The following BNC2 variants were observed in gnomAD, a reference collection of about 807,000 sequenced individuals.
BNC2 encodes zinc finger protein basonuclin-2.
BNC2 carries 20 observed loss-of-function variants against 76.3 expected under a neutral mutation model. The ratio of observed to expected loss-of-function variants is 0.26; its 90% CI spans 0.18 to 0.38. The LOEUF (loss-of-function observed/expected upper bound fraction) is 0.38, where lower values mean the gene tolerates loss of function less well. Among genes scored for constraint, BNC2 ranks in the 10% least tolerant of loss-of-function variants. The pLI is 1.00. For missense variants in BNC2, 1,382 were observed against 1,399.8 expected (o/e 0.99, Z 0.20); for synonymous variants, 582 against 514.8 (o/e 1.13, Z -1.77).
intron 3 of BNC2, among the ~76,000 whole-genome samples, chr9:16,608,835 A>G (rs1820456629): frequency 6.6e-6 from 1 of 152,238 alleles, no homozygotes; most frequent in African/African-American, 2.4e-5. Context: ...TGAAATAGGC[A>G]AAAGTCAAAC....
At chr9:16,447,550 T>C (rs902688652) in intron 5 of BNC2, among the ~76,000 whole-genome samples, 4 of 152,134 alleles carry the variant, frequency 2.6e-5, no homozygotes, top group African/African-American at 9.7e-5. Flanking sequence ...AGTTCCTGTA[T>C]TATCGTATAT....
At chr9:16,664,224 T>A (rs1822199032) in intron 3 of BNC2, among the ~76,000 whole-genome samples, 1 of 152,184 alleles carries the variant, frequency 6.6e-6, no homozygotes, top group Non-Finnish European at 1.5e-5. Flanking sequence ...ATTGATTTCC[T>A]AAACATACTT....
chr9:16,733,129 A>G (rs896148401), intron 2 of BNC2, among the ~76,000 whole-genome samples: 1 of 152,214 alleles, frequency 6.6e-6, no homozygotes, highest in Admixed American at 6.5e-5. Flanking sequence ...GGGGGAACCA[A>G]CTAAGGAAAT....
At chr9:16,495,534 G>A (rs1822370031) in intron 5 of BNC2, among the ~76,000 whole-genome samples, 1 of 152,158 alleles carries the variant, frequency 6.6e-6, no homozygotes, top group Non-Finnish European at 1.5e-5. Context: ...GTCCTTCTGG[G>A]GACAGGGTGC....
Position 16,614,047 on chromosome 9 carries a change from CA to C in BNC2, c.331-30963del, listed in dbSNP as rs1279326768. Among the ~76,000 whole-genome samples, 4 of 152,266 alleles carry C rather than the reference CA, an allele frequency of 2.6e-5. No individual in the cohort carries two copies. The East Asian group carries it at 7.7e-4, about 29-fold the overall frequency. ...GTCCTTGGAGCCAAACCTAATGAAA[CA>C]AGGCTCAAAACCAAATTACAGCATG... On this transcript the variant is annotated intron_variant, in intron 3 of 6. Coordinates refer to ENST00000380672, the MANE Select transcript of BNC2 (RefSeq NM_017637.6).
At chr9:16,435,019 C>T (rs1820976385) in intron 6 of BNC2, 1 of 471,280 alleles carries the variant, frequency 2.1e-6, no homozygotes, top group South Asian at 1.5e-5. Flanking sequence ...GGAATGATAA[C>T]ATTACTGGTT....
chr9:16,492,336 C>T (rs984862638), intron 5 of BNC2, among the ~76,000 whole-genome samples: 5 of 152,206 alleles, frequency 3.3e-5, no homozygotes, highest in Admixed American at 1.3e-4. Flanking sequence ...GAAGTCAGAA[C>T]TTTAATGAGC....
At chr9:16,534,612 G>C (rs552727817) in intron 5 of BNC2, among the ~76,000 whole-genome samples, 6 of 151,896 alleles carry the variant, frequency 4.0e-5, no homozygotes, top group Non-Finnish European at 7.4e-5. Context: ...TCTCTTTATC[G>C]TCTTTTGTAG....
intron 1 of BNC2, among the ~76,000 whole-genome samples, chr9:16,865,271 T>C (rs1819517536): frequency 1.3e-5 from 2 of 152,128 alleles, no homozygotes; most frequent in African/African-American, 4.8e-5. Flanking sequence ...ACTGGTAAGA[T>C]ACATACACAG....
At chr9:16,743,239 C>A (rs1162758573) in intron 1 of BNC2, among the ~76,000 whole-genome samples, 1 of 152,180 alleles carries the variant, frequency 6.6e-6, no homozygotes, top group Admixed American at 6.5e-5. Context: ...CTTGAGTGTA[C>A]AAGCTTTCTG....
chr9:16,646,448 T>C (rs1821628220), intron 3 of BNC2, among the ~76,000 whole-genome samples: 1 of 152,112 alleles, frequency 6.6e-6, no homozygotes, highest in Admixed American at 6.6e-5. Context: ...AAACTACTAA[T>C]ACACACAACA....
chr9:16,732,327 C>T (rs1011283420), intron 2 of BNC2, among the ~76,000 whole-genome samples: 3 of 151,974 alleles, frequency 2.0e-5, no homozygotes, highest in Non-Finnish European at 4.4e-5. Flanking sequence ...CTTCTTTCTA[C>T]TTAATTTCTT....
intron 5 of BNC2, among the ~76,000 whole-genome samples, chr9:16,538,176 T>G (rs1199309490): frequency 6.6e-6 from 1 of 152,170 alleles, no homozygotes; most frequent in Non-Finnish European, 1.5e-5. Context: ...GCCTGAAGGT[T>G]CTTCTCACTG....
chr9:16,677,976 A>C (rs1037129262), intron 3 of BNC2, among the ~76,000 whole-genome samples: 1 of 152,182 alleles, frequency 6.6e-6, no homozygotes, highest in Non-Finnish European at 1.5e-5. Context: ...GAAAACCAAC[A>C]TTATAAATGA....
chr9:16,805,370 A>G (rs2135789994), intron 1 of BNC2, among the ~76,000 whole-genome samples: 1 of 151,956 alleles, frequency 6.6e-6, no homozygotes, highest in East Asian at 2.0e-4. Flanking sequence ...CTTGTTCCCC[A>G]GGCTGGAGTA....
In BNC2 at chr9:16,419,061, A is replaced by G; in HGVS notation, c.3228T>C (p.Ser1076=). 1.9e-6 allele frequency: 3 copies of G among 1,614,214 alleles called. No individual in the cohort carries two copies. The South Asian group carries it at 3.3e-5, about 18-fold the overall frequency. The part of the protein sequence containing the change: ...KVPGCNMMFS[S]VRSRNRHSQN... ...GACTGTGCCGATTTCGGCTTCGTAC[A>G]GAGGAAAACATCATATTGCAACCTG... Residue 1076 remains serine (S), a synonymous_variant, in exon 7 of 7, where the codon TCT becomes TCC. Coordinates refer to ENST00000380672, the MANE Select transcript of BNC2 (RefSeq NM_017637.6).
intron 3 of BNC2, among the ~76,000 whole-genome samples, chr9:16,714,964 G>A (rs377583461): frequency 1.3e-5 from 2 of 152,114 alleles, no homozygotes; most frequent in Non-Finnish European, 2.9e-5. Flanking sequence ...CTTGAAGCAG[G>A]TATAAAATAT....
At chr9:16,687,240 C>T (rs1823006475) in intron 3 of BNC2, among the ~76,000 whole-genome samples, 1 of 152,020 alleles carries the variant, frequency 6.6e-6, no homozygotes, top group East Asian at 1.9e-4. Flanking sequence ...CATTTAGTGG[C>T]ATCCATTCTA....
chr9:16,793,860 G>GTTTTTT lies in BNC2; in HGVS notation c.4-55381_4-55376dup, dbSNP rs377349585. Among the ~76,000 whole-genome samples, 443 of 97,110 alleles carry GTTTTTT rather than the reference G, an allele frequency of 4.6e-3. 69 individuals carry two copies. Among genetic ancestry groups the GTTTTTT allele is most frequent in the Middle Eastern group, 0.029 (4 of 136 alleles). The allele number at this position is 97,110 out of a possible 152,430, so 63.7% of individuals were successfully genotyped here. On this transcript the variant is annotated intron_variant, in intron 1 of 6. Transcript: ENST00000380672. ...CTAGTTTTTGTTTTTTGTGGTTTTTGTTTTTTTGTTTTTTTTTTTTTTTAG... is the reference window on the plus strand; with the variant it reads ...CTAGTTTTTGTTTTTTGTGGTTTTTGTTTTTTTTTTTTTGTTTTTTTTTTTTTTTAG...
Sources: gnomAD v4.1 joint callset for allele counts (sites outside exome capture counted in the v4.1 genomes callset) on GRCh38, gnomAD v4.1.1 for gene constraint, MANE v1.5 for transcripts, NCBI Gene and HGNC (gene_info 2026-07-23, HGNC 2026-07-21) for gene names.